The following TEX14 variants were observed in gnomAD, a reference collection of about 807,000 sequenced individuals.
TEX14 encodes inactive serine/threonine-protein kinase TEX14.
Under a neutral mutation model 178.6 loss-of-function variants are expected in TEX14, and 168 were observed. The ratio of observed to expected loss-of-function variants is 0.94; its 90% confidence interval spans 0.83 to 1.07. The LOEUF is 1.07. TEX14 is among the 50% of genes least tolerant of loss of function. The pLI, the probability that TEX14 is intolerant of heterozygous loss-of-function variation, is 0.00. For synonymous variants in TEX14, 626 were observed against 634.1 expected (o/e 0.99, Z 0.19); for missense variants, 1,730 against 1,753.6 (o/e 0.99, Z 0.24).
At chr17:58,620,831 A>G (rs1200738835) in intron 5 of TEX14, among the ~76,000 whole-genome samples, 2 of 147,652 alleles carry the variant, frequency 1.4e-5, no homozygotes, top group East Asian at 3.8e-4. Context: ...GATGCTGAGC[A>G]AAGAGCCAAA....
chr17:58,643,411 C>T (rs2046618373), intron 2 of TEX14, among the ~76,000 whole-genome samples: 1 of 152,112 alleles, frequency 6.6e-6, no homozygotes, highest in Non-Finnish European at 1.5e-5. Context: ...CTTAGATCAG[C>T]TTCCTCCCAA....
intron 24 of TEX14, 64 bp from the exon 25 acceptor site, chr17:58,570,548 C>A: frequency 9.2e-7 from 1 of 1,081,606 alleles, no homozygotes. Context: ...ATATGCAGCT[C>A]AGTCATTTCC....
At chr17:58,626,699 T>C (rs1051448313) in intron 3 of TEX14, among the ~76,000 whole-genome samples, 2 of 150,730 alleles carry the variant, frequency 1.3e-5, no homozygotes, top group African/African-American at 4.9e-5. Flanking sequence ...CTGGACAACA[T>C]GGCAAAACTA....
chr17:58,659,292 C>G (rs992056028), intron 1 of TEX14: 2 of 962,046 alleles, frequency 2.1e-6, no homozygotes, highest in African/African-American at 1.8e-5. Context: ...GTCTCTCCCC[C>G]GCCACAAAGA....
intron 1 of TEX14, among the ~76,000 whole-genome samples, chr17:58,668,403 C>T (rs892289269): frequency 1.3e-5 from 2 of 152,200 alleles, no homozygotes; most frequent in Admixed American, 6.6e-5. Context: ...GGAGGAGCTG[C>T]AGTAACTATA....
chr17:58,635,738 G>T (rs552397153), intron 2 of TEX14, among the ~76,000 whole-genome samples: 7 of 150,670 alleles, frequency 4.6e-5, no homozygotes, highest in Non-Finnish European at 1.0e-4. Context: ...CCCACCAAGG[G>T]CTTCTCTTTT....
intron 29 of TEX14, among the ~76,000 whole-genome samples, chr17:58,560,714 C>T (rs1416282340): frequency 6.6e-6 from 1 of 152,196 alleles, no homozygotes; most frequent in Non-Finnish European, 1.5e-5. Flanking sequence ...ACATGGTTTC[C>T]AGACCTCTGA....
chr17:58,624,484 G>A (rs906062470), intron 3 of TEX14, among the ~76,000 whole-genome samples: 9 of 151,436 alleles, frequency 5.9e-5, no homozygotes, highest in Non-Finnish European at 1.2e-4. Context: ...GGGATTATAG[G>A]TGCCCGCCAC....
At chr17:58,561,819 C>T (rs1375600065) in intron 28 of TEX14, among the ~76,000 whole-genome samples, 2 of 152,190 alleles carry the variant, frequency 1.3e-5, no homozygotes, top group African/African-American at 2.4e-5. Flanking sequence ...GGTGTGGTGG[C>T]TCACATCTGT....
At chr17:58,598,642 T>C (rs1035396475) in intron 14 of TEX14, among the ~76,000 whole-genome samples, 4 of 152,168 alleles carry the variant, frequency 2.6e-5, no homozygotes, top group African/African-American at 4.8e-5. Context: ...AAGAGCACCT[T>C]GCTATGAGTC....
intron 6 of TEX14, among the ~76,000 whole-genome samples, chr17:58,616,620 G>C (rs1383070598): frequency 6.6e-6 from 1 of 151,866 alleles, no homozygotes; most frequent in Admixed American, 6.6e-5. Context: ...ATAGAGACGG[G>C]CTTTTGCCAT....
intron 1 of TEX14, among the ~76,000 whole-genome samples, chr17:58,654,070 C>T (rs1242391928): frequency 6.6e-6 from 1 of 151,936 alleles, no homozygotes. Context: ...CCCAGCTACT[C>T]GGGAGACTGA....
At chr17:58,579,166 A>G (rs1171887772) in intron 20 of TEX14, among the ~76,000 whole-genome samples, 2 of 152,254 alleles carry the variant, frequency 1.3e-5, no homozygotes, top group Non-Finnish European at 2.9e-5. Context: ...TGTTAAGTTG[A>G]ATCTGCATTG....
chr17:58,609,887 GACAA>G (rs1320639885), intron 10 of TEX14, among the ~76,000 whole-genome samples: 8 of 152,328 alleles, frequency 5.3e-5, no homozygotes, highest in Non-Finnish European at 7.3e-5. Flanking sequence ...CAGAGTATGT[GACAA>G]ACAAAGATCT....
intron 1 of TEX14, among the ~76,000 whole-genome samples, chr17:58,658,311 T>G (rs1388590871): frequency 6.6e-6 from 1 of 151,824 alleles, no homozygotes; most frequent in East Asian, 1.9e-4. Flanking sequence ...TACACTATTC[T>G]CATGCCTCAG....
intron 2 of TEX14, among the ~76,000 whole-genome samples, chr17:58,636,934 G>A (rs2046447628): frequency 6.9e-6 from 1 of 144,822 alleles, no homozygotes; most frequent in African/African-American, 2.6e-5. Context: ...AAGAAAGAAA[G>A]ATTTATTTGG....
At chr17:58,636,052 C>G (rs986590955) in intron 2 of TEX14, among the ~76,000 whole-genome samples, 1 of 152,098 alleles carries the variant, frequency 6.6e-6, no homozygotes, top group Admixed American at 6.6e-5. Flanking sequence ...AAGGGCTTCT[C>G]TAAGGATCAG....
At chr17:58,655,740 G>C (rs2046944453) in intron 1 of TEX14, among the ~76,000 whole-genome samples, 1 of 152,174 alleles carries the variant, frequency 6.6e-6, no homozygotes, top group Non-Finnish European at 1.5e-5. Flanking sequence ...CCCGAGACGA[G>C]CCCTCCTTTA....
chr17:58,658,917 G>C (rs554047452), intron 1 of TEX14, among the ~76,000 whole-genome samples: 1 of 151,664 alleles, frequency 6.6e-6, no homozygotes, highest in Non-Finnish European at 1.5e-5. Context: ...TCCCACCTCA[G>C]TCTCCCGAGT....
Sources: gnomAD v4.1 joint callset for allele counts (sites outside exome capture counted in the v4.1 genomes callset) on GRCh38, gnomAD v4.1.1 for gene constraint, MANE v1.5 for transcripts, NCBI Gene and HGNC (gene_info 2026-07-23, HGNC 2026-07-21) for gene names.